Variants in SYNPR observed in about 807,000 individuals in gnomAD.
SYNPR encodes synaptoporin.
Under a neutral mutation model 32.9 loss-of-function variants are expected in SYNPR, and 23 were observed. That is an observed-to-expected ratio of 0.70 (90% confidence interval 0.50 to 0.99). The LOEUF (loss-of-function observed/expected upper bound fraction) is 0.99, where lower values mean the gene tolerates loss of function less well. Among genes scored for constraint, SYNPR ranks in the 50% least tolerant of loss-of-function variants. SYNPR has a pLI of 0.00. For synonymous variants in SYNPR, 146 were observed against 135.9 expected (o/e 1.07, Z -0.52); for missense variants, 318 against 349.3 (o/e 0.91, Z 0.71).
At chr3:63,256,154 C>T (rs6809234) in intron 2 of SYNPR, among the ~76,000 whole-genome samples, 11,806 of 152,264 alleles carry the variant, frequency 0.078, 1,327 homozygotes, top group African/African-American at 0.25. Flanking sequence ...CAGGGCATAG[C>T]GAAACAAAAG....
At chr3:63,355,797 G>A (rs2087569454) in intron 2 of SYNPR, among the ~76,000 whole-genome samples, 2 of 151,894 alleles carry the variant, frequency 1.3e-5, no homozygotes, top group African/African-American at 4.8e-5. Context: ...TCTCCACCTA[G>A]TTAACTTTGA....
chr3:63,335,384 C>T (rs1575601795), intron 2 of SYNPR, among the ~76,000 whole-genome samples: 1 of 146,444 alleles, frequency 6.8e-6, no homozygotes, highest in East Asian at 2.0e-4. Flanking sequence ...ATGGCAAAAA[C>T]TGCAAGTACT....
At chr3:63,469,570 A>G (rs988503208) in intron 2 of SYNPR, among the ~76,000 whole-genome samples, 1 of 152,232 alleles carries the variant, frequency 6.6e-6, no homozygotes, top group Non-Finnish European at 1.5e-5. Flanking sequence ...TGTCAGAGAA[A>G]TGGTGTCAGC....
chr3:63,508,330 T>G (rs1701629116), intron 3 of SYNPR, among the ~76,000 whole-genome samples: 1 of 152,132 alleles, frequency 6.6e-6, no homozygotes, highest in Non-Finnish European at 1.5e-5. Flanking sequence ...GGAGCTCTCA[T>G]TCTCAAGAGG....
intron 3 of SYNPR, among the ~76,000 whole-genome samples, chr3:63,502,570 C>T (rs1387394554): frequency 1.3e-5 from 2 of 152,146 alleles, no homozygotes; most frequent in Non-Finnish European, 2.9e-5. Context: ...CCACCTCCAA[C>T]CTCTGACAAC....
intron 2 of SYNPR, among the ~76,000 whole-genome samples, chr3:63,428,960 T>C (rs577866527): frequency 7.2e-5 from 11 of 152,236 alleles, no homozygotes; most frequent in African/African-American, 2.2e-4. Flanking sequence ...CAAAGTCACA[T>C]AGAATGAGTG....
chr3:63,540,587 G>C (rs1285508102), intron 3 of SYNPR, among the ~76,000 whole-genome samples: 2 of 151,712 alleles, frequency 1.3e-5, no homozygotes, highest in African/African-American at 4.8e-5. Context: ...AAGGGGAAAT[G>C]GTTGTAACAT....
chr3:63,351,997 T>C (rs1306343246), intron 2 of SYNPR, among the ~76,000 whole-genome samples: 1 of 152,096 alleles, frequency 6.6e-6, no homozygotes. Context: ...ATGGAAAATA[T>C]GAAACCTGCT....
At chr3:63,236,776 G>A (rs1456232863) in intron 1 of SYNPR, among the ~76,000 whole-genome samples, 1 of 152,048 alleles carries the variant, frequency 6.6e-6, no homozygotes, top group East Asian at 1.9e-4. Flanking sequence ...TTATTTGGGA[G>A]TTTTATGTAG....
Position 63,368,782 on chromosome 3 carries a change from G to A in SYNPR, c.84+90040G>A, listed in dbSNP as rs539999899. 2.6e-5 allele frequency among the ~76,000 whole-genome samples: 4 copies of A among 152,282 alleles called. No homozygotes were observed. The South Asian group carries it at 8.3e-4, about 32-fold the overall frequency. On this transcript the variant is annotated intron_variant, in intron 2 of 5. Coordinates refer to ENST00000478300, the MANE Select transcript of SYNPR (RefSeq NM_001130003.2). ...TTTTGGCTGAAGAAGTTTATTGACAGTTTTGGAAAGAGGTATTTTATTTAT... is the reference window on the plus strand; with the variant it reads ...TTTTGGCTGAAGAAGTTTATTGACAATTTTGGAAAGAGGTATTTTATTTAT...
At chr3:63,219,359 AG>A in the SYNPR span, among the ~76,000 whole-genome samples, 1 of 152,230 alleles carries the variant, frequency 6.6e-6, no homozygotes, top group African/African-American at 2.4e-5. Context: ...CTATGTAGCA[AG>A]GTGGGGCAGC....
At chr3:63,353,312 A>G (rs977864687) in intron 2 of SYNPR, among the ~76,000 whole-genome samples, 1 of 152,172 alleles carries the variant, frequency 6.6e-6, no homozygotes, top group Non-Finnish European at 1.5e-5. Context: ...AGTAATTACA[A>G]TGTCTTTCCT....
Position 63,607,882 on chromosome 3 carries a change from A to G in SYNPR, c.409-1243A>G, listed in dbSNP as rs377700343. ...TGATGAAAAGTAATTCAGCCACACC[A>G]TGAGAGCAAGATACAGAGCAAGTCA... On this transcript the variant is annotated intron_variant, in intron 4 of 5. Coordinates refer to ENST00000478300, the MANE Select transcript of SYNPR (RefSeq NM_001130003.2). Among the ~76,000 whole-genome samples, 19 of 152,276 alleles carry G rather than the reference A, an allele frequency of 1.2e-4. No individual in the cohort carries two copies. The East Asian group carries it at 2.3e-3, about 19-fold the overall frequency.
At chr3:63,418,671 G>C (rs565967308) in intron 2 of SYNPR, among the ~76,000 whole-genome samples, 2 of 152,154 alleles carry the variant, frequency 1.3e-5, no homozygotes, top group Non-Finnish European at 2.9e-5. Context: ...ACACAACATG[G>C]CAGCAGGCAG....
At chr3:63,420,975 G>A (rs925219449) in intron 2 of SYNPR, among the ~76,000 whole-genome samples, 19 of 152,116 alleles carry the variant, frequency 1.2e-4, no homozygotes, top group African/African-American at 4.6e-4. Flanking sequence ...CAACCTCCCA[G>A]GCTCAAGCAA....
intron 4 of SYNPR, among the ~76,000 whole-genome samples, chr3:63,605,248 T>C (rs917393383): frequency 1.3e-5 from 2 of 152,182 alleles, no homozygotes; most frequent in African/African-American, 2.4e-5. Context: ...GGACCATTAA[T>C]GAGGACCAAT....
At chr3:63,351,247 C>T (rs909171008) in intron 2 of SYNPR, among the ~76,000 whole-genome samples, 5 of 152,180 alleles carry the variant, frequency 3.3e-5, no homozygotes, top group South Asian at 2.1e-4. Context: ...TGTTGTGTTG[C>T]TCTTTTCCTC....
chr3:63,512,557 A>G (rs534952776), intron 3 of SYNPR, among the ~76,000 whole-genome samples: 1 of 152,248 alleles, frequency 6.6e-6, no homozygotes, highest in African/African-American at 2.4e-5. Flanking sequence ...GAGGGAAAGT[A>G]GAAGAGTTAG....
At chr3:63,503,252 T>C (rs1480298614) in intron 3 of SYNPR, among the ~76,000 whole-genome samples, 1 of 152,178 alleles carries the variant, frequency 6.6e-6, no homozygotes, top group Non-Finnish European at 1.5e-5. Context: ...ATATCTTCTT[T>C]GGTGAGGTGT....
Sources: gnomAD v4.1 joint callset for allele counts (sites outside exome capture counted in the v4.1 genomes callset) on GRCh38, gnomAD v4.1.1 for gene constraint, MANE v1.5 for transcripts, NCBI Gene and HGNC (gene_info 2026-07-23, HGNC 2026-07-21) for gene names.